The following SLC39A6 variants were observed in gnomAD, a reference collection of about 807,000 sequenced individuals.
SLC39A6 encodes solute carrier family 39 member 6, also known as zinc transporter ZIP6.
Under a neutral mutation model 63.5 loss-of-function variants are expected in SLC39A6, and 51 were observed. The ratio of observed to expected loss-of-function variants is 0.80; its 90% CI spans 0.64 to 1.01. The LOEUF is 1.01. Among genes scored for constraint, SLC39A6 ranks in the 50% least tolerant of loss-of-function variants. The pLI is 0.00. For missense variants in SLC39A6, 805 were observed against 927.8 expected (o/e 0.87, Z 1.72); for synonymous variants, 318 against 324.7 (o/e 0.98, Z 0.22).
At chr18:36,116,285 T>C (rs2089344756) in intron 6 of SLC39A6, among the ~76,000 whole-genome samples, 1 of 152,166 alleles carries the variant, frequency 6.6e-6, no homozygotes, top group Admixed American at 6.5e-5. Flanking sequence ...GTCTATAACT[T>C]ACTCTCAAAT....
chr18:36,109,391 T>A lies in SLC39A6; in HGVS notation c.*202A>T. ...ACTGGTAATACCGGTGAATTGCACATACAGATTTTATCTCCAAGATAGAAT... is the reference window on the plus strand; with the variant it reads ...ACTGGTAATACCGGTGAATTGCACAAACAGATTTTATCTCCAAGATAGAAT... On this transcript the variant is annotated 3_prime_UTR_variant, in exon 10 of 10. Transcript: ENST00000269187. 2.4e-6 allele frequency: 1 copy of A among 409,510 alleles called. No individual in the cohort carries two copies. The allele number at this position is 409,510 out of a possible 1,614,324, so 25.4% of individuals were successfully genotyped here.
At chr18:36,112,795 G>T (rs1899107417) in intron 7 of SLC39A6, among the ~76,000 whole-genome samples, 1 of 152,200 alleles carries the variant, frequency 6.6e-6, no homozygotes, top group African/African-American at 2.4e-5. Flanking sequence ...TGAAAGAGAA[G>T]GGAAGGTTTT....
Position 36,122,148 on chromosome 18 carries a change from C to T in SLC39A6, c.1263G>A (p.Thr421=), listed in dbSNP as rs752362879. The change falls in exon 5 of 10, where the codon ACG becomes ACA. Residue 421 remains threonine, a synonymous_variant. Transcript: ENST00000269187. ...CTCCTAGAGCTGTTAGACCCTTCCA[C>T]GTGGAATCAAAATAGGCACTTTCTT... The part of the protein sequence containing the change: ...NIEESAYFDS[T]WKGLTALGGL... 15 of 1,613,864 alleles carry T rather than the reference C, an allele frequency of 9.3e-6. No individual in the cohort carries two copies. Among genetic ancestry groups the T allele is most frequent in the Non-Finnish European group, 1.1e-5 (13 of 1,179,902 alleles).
At position 36,114,193 on chromosome 18, in the gene SLC39A6, A is replaced by C; in HGVS notation, c.1747T>G (p.Ser583Ala). Residue 583 changes from serine to alanine, a missense_variant, in exon 7 of 10, where the codon TCT becomes GCT. Transcript: ENST00000269187. ...CCGGCATCTTTCAGCTCCTCCCGAG[A>C]GTAGCGCTGGCTGTGACTGTGAGGA... Reference protein sequence around the residue: ...HHPHSHSQRYSREELKDAGVA... With the variant: ...HHPHSHSQRYAREELKDAGVA... The C allele has an allele frequency of 6.2e-7, 1 of 1,614,124 alleles. No homozygotes were observed. The highest frequency in any genetic ancestry group is 2.2e-5 in the East Asian group (1 of 44,890).
chr18:36,112,640 T>C, intron 7 of SLC39A6, 59 bp from the exon 8 acceptor site: 1 of 1,301,282 alleles, frequency 7.7e-7, no homozygotes, highest in Non-Finnish European at 1.1e-6. Context: ...TTTAATCTTA[T>C]CAGTATGCAA....
At chr18:36,117,274 T>G (rs2089353735) in intron 5 of SLC39A6, among the ~76,000 whole-genome samples, 1 of 152,130 alleles carries the variant, frequency 6.6e-6, no homozygotes, top group African/African-American at 2.4e-5. Context: ...GGCATTTCCT[T>G]CAGGCATCTA....
In SLC39A6 at chr18:36,126,503, G is replaced by T. The variant is rs930100119; in HGVS notation, c.505C>A (p.Pro169Thr). ...TTCCTTCTACCACTGGCATGTTCTG[G>T]TCGGTGAGCTCCTTTCCCCTGGCTG... is the stretch of plus-strand genomic sequence containing the variant. ...RNSQGKGAHR[P>T]EHASGRRNVK... Residue 169 changes from proline to threonine, a missense_variant, in exon 2 of 10, where the codon CCA becomes ACA. This residue lies in a region of SLC39A6 where 639 missense variants were observed against 644.0 expected (regional missense o/e 0.99). Coordinates refer to ENST00000269187, the MANE Select transcript of SLC39A6 (RefSeq NM_012319.4). 1 of 1,614,226 alleles carries T rather than the reference G, an allele frequency of 6.2e-7. No homozygotes were observed. Among genetic ancestry groups the T allele is most frequent in the Non-Finnish European group, 8.5e-7 (1 of 1,180,042 alleles).
At chr18:36,124,877 CCA>C (rs1409136820) in intron 2 of SLC39A6, among the ~76,000 whole-genome samples, 177 bp from the exon 3 acceptor site, 2 of 152,308 alleles carry the variant, frequency 1.3e-5, no homozygotes, top group South Asian at 2.1e-4. Flanking sequence ...TACTATGTCA[CCA>C]CAGTGGTATC....
intron 8 of SLC39A6, among the ~76,000 whole-genome samples, 153 bp downstream of exon 8, chr18:36,112,348 A>C (rs927862267): frequency 6.6e-6 from 1 of 152,264 alleles, no homozygotes; most frequent in Non-Finnish European, 1.5e-5. Flanking sequence ...TGTGTGTATG[A>C]AGATGATCCC....
intron 3 of SLC39A6, 43 bp downstream of exon 3, chr18:36,124,477 T>C: frequency 1.6e-6 from 2 of 1,284,542 alleles, no homozygotes; most frequent in Non-Finnish European, 1.1e-6. Context: ...ACAATATAAA[T>C]GAATCTACTG....
intron 5 of SLC39A6, among the ~76,000 whole-genome samples, chr18:36,118,747 C>A (rs2089368118): frequency 6.6e-6 from 1 of 152,176 alleles, no homozygotes; most frequent in African/African-American, 2.4e-5. Flanking sequence ...GCAACCTCAT[C>A]ATATTTTCAT....
rs984573889 is a variant in SLC39A6 at position 36,114,168 on chromosome 18, C to T, written c.1772G>A (p.Gly591Asp). The change falls in exon 7 of 10, where the codon GGC becomes GAC. Residue 591 changes from glycine to aspartate, a missense_variant. By Grantham distance (94) the Gly-to-Asp change is moderately conservative (BLOSUM62 -1). This residue lies in a region of SLC39A6 where 145 missense variants were observed against 227.2 expected (regional missense o/e 0.64). Coordinates refer to ENST00000269187, the MANE Select transcript of SLC39A6 (RefSeq NM_012319.4). ...CACCATCCAGGCCAGAGTGGCGACG[C>T]CGGCATCTTTCAGCTCCTCCCGAGA... Reference protein sequence around the residue: ...RYSREELKDAGVATLAWMVIM... With the variant: ...RYSREELKDADVATLAWMVIM... 6.2e-7 allele frequency: 1 copy of T among 1,614,128 alleles called. No individual in the cohort carries two copies. The highest frequency in any genetic ancestry group is 8.5e-7 in the Non-Finnish European group (1 of 1,180,008).
intron 6 of SLC39A6, 145 bp downstream of exon 6, chr18:36,116,529 C>T: frequency 1.7e-6 from 1 of 597,936 alleles, no homozygotes; most frequent in South Asian, 2.0e-5. Flanking sequence ...ACAATGTACT[C>T]ACTGGCAATA....
chr18:36,128,627 G>A (rs375421429), intron 1 of SLC39A6, among the ~76,000 whole-genome samples: 1 of 152,084 alleles, frequency 6.6e-6, no homozygotes, highest in African/African-American at 2.4e-5. Context: ...GGGGTGGGAG[G>A]GGACTAGCAC....
chr18:36,123,906 G>C (rs1474586483), intron 3 of SLC39A6, among the ~76,000 whole-genome samples: 1 of 152,012 alleles, frequency 6.6e-6, no homozygotes, highest in Admixed American at 6.5e-5. Flanking sequence ...GCTCTAATGG[G>C]AAATTCTTCA....
At chr18:36,128,673 C>T (rs2089476288) in intron 1 of SLC39A6, among the ~76,000 whole-genome samples, 1 of 152,160 alleles carries the variant, frequency 6.6e-6, no homozygotes. Context: ...AGGGAGGATG[C>T]TGAGCGCGGT....
chr18:36,121,894 C>T (rs2089397269), intron 5 of SLC39A6, among the ~76,000 whole-genome samples, 158 bp downstream of exon 5: 1 of 152,156 alleles, frequency 6.6e-6, no homozygotes, highest in Non-Finnish European at 1.5e-5. Flanking sequence ...AAATGCTCCT[C>T]ATAAATATCT....
intron 2 of SLC39A6, among the ~76,000 whole-genome samples, chr18:36,125,119 C>T (rs1348388169): frequency 6.6e-6 from 1 of 152,096 alleles, no homozygotes; most frequent in African/African-American, 2.4e-5. Context: ...CCAAGACATG[C>T]CTCTCTTCTA....
At chr18:36,117,260 TA>T (rs1298080125) in intron 5 of SLC39A6, among the ~76,000 whole-genome samples, 1 of 152,058 alleles carries the variant, frequency 6.6e-6, no homozygotes, top group African/African-American at 2.4e-5. Context: ...AAAATCCAGC[TA>T]GGGGCATTTC....
Sources: gnomAD v4.1 joint callset for allele counts (sites outside exome capture counted in the v4.1 genomes callset) on GRCh38, gnomAD v4.1.1 for gene constraint, gnomAD v4.1.1 regional missense constraint, MANE v1.5 for transcripts, NCBI Gene and HGNC (gene_info 2026-07-23, HGNC 2026-07-21) for gene names.